RFX3: variants seen among roughly 807,000 people sequenced by gnomAD.
RFX3 encodes the protein transcription factor RFX3.
A neutral mutation model predicts 98.6 loss-of-function variants in RFX3; 14 were observed. That is an observed-to-expected ratio of 0.14 (90% CI 0.09 to 0.22). RFX3 has a LOEUF of 0.22. Ranked by LOEUF, RFX3 falls within the 10% of genes least tolerant of loss-of-function variation. The pLI, the probability that RFX3 is intolerant of heterozygous loss-of-function variation, is 1.00. For synonymous variants in RFX3, 383 were observed against 328.4 expected, an observed-to-expected ratio of 1.17 and a Z score of -1.80; for missense variants, 639 against 926.9, an observed-to-expected ratio of 0.69 and a Z score of 4.03.
At chr9:3,452,416 C>T (rs904062471) in intron 1 of RFX3, 16 of 252,906 alleles carry the variant, frequency 6.3e-5, no homozygotes, top group Non-Finnish European at 1.3e-4. Flanking sequence ...CATACGGAGA[C>T]ACCAGGTCTA....
intron 1 of RFX3, among the ~76,000 whole-genome samples, chr9:3,501,950 T>C (rs1816060321): frequency 6.6e-6 from 1 of 151,970 alleles, no homozygotes; most frequent in Non-Finnish European, 1.5e-5. Flanking sequence ...GTTTTCTAAC[T>C]TCTATCAAAA....
chr9:3,458,419 G>C (rs955531449), intron 1 of RFX3, among the ~76,000 whole-genome samples: 1 of 152,110 alleles, frequency 6.6e-6, no homozygotes, highest in African/African-American at 2.4e-5. Context: ...TCCAGTATTT[G>C]TCTGCACACA....
rs1042129385 is a variant in RFX3, at chr9:3,253,894, C to T, written c.1814+3097G>A. Among the ~76,000 whole-genome samples the T allele has an allele frequency of 4.6e-5, 7 of 152,128 alleles. No individual in the cohort carries two copies. The South Asian group carries it at 6.2e-4, about 14-fold the overall frequency. On this transcript the variant is annotated intron_variant, in intron 14 of 16. Coordinates refer to ENST00000617270, the MANE Select transcript of RFX3 (RefSeq NM_001282116.2). ...TAGTTTGTGAATGTAATTTTCATTA[C>T]TCAATATGTTCTTATGTCTCAGTAA...
chr9:3,270,184 T>C (rs1005750324), intron 11 of RFX3, among the ~76,000 whole-genome samples, 187 bp downstream of exon 11: 1 of 151,376 alleles, frequency 6.6e-6, no homozygotes, highest in Non-Finnish European at 1.5e-5. Context: ...GAAAAATAGA[T>C]CATCTGTTCC....
At chr9:3,353,090 C>T (rs948483351) in intron 2 of RFX3, among the ~76,000 whole-genome samples, 1 of 151,210 alleles carries the variant, frequency 6.6e-6, no homozygotes, top group Non-Finnish European at 1.5e-5. Context: ...AGCAAACTAT[C>T]GCAAGGACAA....
At chr9:3,241,217 GTTTT>G (rs1373472512) in intron 15 of RFX3, among the ~76,000 whole-genome samples, 4 of 69,840 alleles carry the variant, frequency 5.7e-5, no homozygotes, top group Admixed American at 2.4e-4. Flanking sequence ...TGGTCTAGGA[GTTTT>G]TTGTTTTTTT....
At chr9:3,409,636 T>G (rs1842287284) in intron 1 of RFX3, among the ~76,000 whole-genome samples, 1 of 152,172 alleles carries the variant, frequency 6.6e-6, no homozygotes, top group African/African-American at 2.4e-5. Context: ...TAAATCAGAG[T>G]ATTTGGTAAA....
chr9:3,470,718 T>C (rs1316637925), intron 1 of RFX3, among the ~76,000 whole-genome samples: 3 of 152,300 alleles, frequency 2.0e-5, no homozygotes, highest in Admixed American at 2.0e-4. Flanking sequence ...TCTATTGTGA[T>C]TGAGAGACAG....
At chr9:3,343,690 G>A (rs1483363853) in intron 3 of RFX3, among the ~76,000 whole-genome samples, 1 of 152,178 alleles carries the variant, frequency 6.6e-6, no homozygotes, top group East Asian at 1.9e-4. Flanking sequence ...GTATAAAAAT[G>A]ATGCTACAGA....
rs1491227358 is a variant in RFX3, at chr9:3,232,058, G to GCAAA, written c.1969-3170_1969-3169insTTTG. ...CAAAAACAAGCAAGCAAGCAAGCAA[G>GCAAA]CAAGCAAGCAAGCAAACAAACAAAA... is the stretch of plus-strand genomic sequence containing the variant. On this transcript the variant is annotated intron_variant, in intron 15 of 16. Coordinates refer to ENST00000617270, the MANE Select transcript of RFX3 (RefSeq NM_001282116.2). Among the ~76,000 whole-genome samples, 9 of 151,546 alleles carry GCAAA rather than the reference G, an allele frequency of 5.9e-5. No homozygotes were observed. In the East Asian group the frequency reaches 1.4e-3, roughly 23 times the overall value.
At chr9:3,411,623 G>C (rs1487333365) in intron 1 of RFX3, among the ~76,000 whole-genome samples, 15 of 150,034 alleles carry the variant, frequency 1.0e-4, no homozygotes, top group Admixed American at 1.0e-3. Flanking sequence ...TTATAGGTGT[G>C]TGACACCACA....
intron 2 of RFX3, among the ~76,000 whole-genome samples, chr9:3,392,635 C>T (rs1180989996): frequency 1.3e-5 from 2 of 151,944 alleles, no homozygotes; most frequent in African/African-American, 4.8e-5. Context: ...CATGAAGTTT[C>T]TAGTACAGTA....
At chr9:3,505,743 C>A (rs1281364817) in intron 1 of RFX3, among the ~76,000 whole-genome samples, 1 of 151,180 alleles carries the variant, frequency 6.6e-6, no homozygotes, top group East Asian at 1.9e-4. Flanking sequence ...AAAATTACAA[C>A]CTTCTCCACC....
intron 7 of RFX3, 147 bp downstream of exon 7, chr9:3,287,984 T>A: frequency 1.2e-6 from 1 of 810,058 alleles, no homozygotes. Flanking sequence ...ACTGAAATTC[T>A]AAATCATATT....
At chr9:3,392,850 T>C (rs1840453287) in intron 2 of RFX3, among the ~76,000 whole-genome samples, 1 of 152,140 alleles carries the variant, frequency 6.6e-6, no homozygotes, top group Non-Finnish European at 1.5e-5. Context: ...AAATGAGTTT[T>C]ACAGGAAAGG....
intron 6 of RFX3, among the ~76,000 whole-genome samples, chr9:3,290,502 G>T (rs1472901322): frequency 6.6e-6 from 1 of 152,118 alleles, no homozygotes; most frequent in Non-Finnish European, 1.5e-5. Flanking sequence ...TATTGGCACG[G>T]TATGCATAAC....
intron 2 of RFX3, among the ~76,000 whole-genome samples, chr9:3,366,383 G>A (rs553204356): frequency 1.2e-4 from 18 of 152,244 alleles, no homozygotes; most frequent in Admixed American, 1.0e-3. Context: ...GTGTGTGTCT[G>A]CACATACATA....
At chr9:3,514,069 G>A (rs1348367566) in intron 1 of RFX3, among the ~76,000 whole-genome samples, 1 of 152,062 alleles carries the variant, frequency 6.6e-6, no homozygotes, top group African/African-American at 2.4e-5. Flanking sequence ...CAGCATTCAT[G>A]GCCTTTATTA....
intron 3 of RFX3, among the ~76,000 whole-genome samples, chr9:3,342,430 C>T (rs1173913649): frequency 6.6e-6 from 1 of 152,066 alleles, no homozygotes; most frequent in Non-Finnish European, 1.5e-5. Flanking sequence ...AACAGGAAGA[C>T]TACTAGAACA....
Sources: gnomAD v4.1 joint callset for allele counts (sites outside exome capture counted in the v4.1 genomes callset) on GRCh38, gnomAD v4.1.1 for gene constraint, MANE v1.5 for transcripts, NCBI Gene and HGNC (gene_info 2026-07-23, HGNC 2026-07-21) for gene names.